Variants in RBMS3 observed in about 807,000 individuals in gnomAD.
RBMS3 encodes the protein RNA-binding motif, single-stranded-interacting protein 3.
In RBMS3, 27 loss-of-function variants were observed where a neutral mutation model predicts 66.8. The observed-to-expected ratio is 0.40, with a 90% CI of 0.30 to 0.56. The LOEUF (loss-of-function observed/expected upper bound fraction) is 0.56. Ranked by LOEUF, RBMS3 falls within the 20% of genes least tolerant of loss-of-function variation. The pLI is 0.40. For missense variants in RBMS3, 513 were observed against 549.5 expected, an observed-to-expected ratio of 0.93 and a Z score of 0.66; for synonymous variants, 188 against 183.0, an observed-to-expected ratio of 1.03 and a Z score of -0.22.
chr3:29,639,913 A>G (rs2049630522), intron 4 of RBMS3, among the ~76,000 whole-genome samples: 1 of 151,914 alleles, frequency 6.6e-6, no homozygotes, highest in South Asian at 2.1e-4. Flanking sequence ...AGGTATTCAG[A>G]TGACGGGGAG....
intron 4 of RBMS3, among the ~76,000 whole-genome samples, chr3:29,606,647 A>G (rs1166835772): frequency 6.6e-6 from 1 of 151,940 alleles, no homozygotes; most frequent in Non-Finnish European, 1.5e-5. Flanking sequence ...GCAATATAAA[A>G]TCACAACCAG....
intron 4 of RBMS3, among the ~76,000 whole-genome samples, chr3:29,593,253 AG>A (rs1354140391): frequency 1.3e-5 from 2 of 152,226 alleles, no homozygotes; most frequent in Admixed American, 1.3e-4. Flanking sequence ...TGTCTACCAA[AG>A]CTACTCTTCT....
At chr3:29,532,126 T>G (rs370471467) in intron 3 of RBMS3, among the ~76,000 whole-genome samples, 28 of 151,554 alleles carry the variant, frequency 1.8e-4, no homozygotes, top group African/African-American at 6.3e-4. Flanking sequence ...ATAGTCACTT[T>G]GATGTACTGT....
intron 3 of RBMS3, among the ~76,000 whole-genome samples, chr3:29,558,763 A>T (rs1019112399): frequency 6.6e-6 from 1 of 152,162 alleles, no homozygotes; most frequent in African/African-American, 2.4e-5. Flanking sequence ...GCTGGGCTCT[A>T]CCCTGCAGTT....
intron 2 of RBMS3, among the ~76,000 whole-genome samples, chr3:29,471,076 A>G (rs1425591521): frequency 6.6e-6 from 1 of 152,226 alleles, no homozygotes; most frequent in East Asian, 1.9e-4. Context: ...TGTTAACGCC[A>G]GATACAAAAT....
chr3:29,499,329 G>A (rs1488060414), intron 3 of RBMS3, among the ~76,000 whole-genome samples: 1 of 151,742 alleles, frequency 6.6e-6, no homozygotes, highest in Non-Finnish European at 1.5e-5. Flanking sequence ...CTTCCCTTTA[G>A]TAAAGAAAAG....
chr3:29,314,030 G>T (rs2034534300), intron 1 of RBMS3, among the ~76,000 whole-genome samples: 1 of 151,562 alleles, frequency 6.6e-6, no homozygotes, highest in Non-Finnish European at 1.5e-5. Context: ...TTTCTTTCTT[G>T]GCTTTGTCTA....
chr3:29,789,736 A>G (rs1001525491), intron 6 of RBMS3, among the ~76,000 whole-genome samples: 19 of 152,004 alleles, frequency 1.2e-4, no homozygotes, highest in African/African-American at 4.1e-4. Flanking sequence ...AATAACTTTA[A>G]AATTTATATT....
intron 1 of RBMS3, among the ~76,000 whole-genome samples, chr3:29,369,086 T>C (rs1250207893): frequency 5.3e-5 from 8 of 152,076 alleles, no homozygotes; most frequent in Non-Finnish European, 8.8e-5. Context: ...CCATATGTTC[T>C]CACTTATAAC....
At chr3:29,308,767 A>AT (rs2034185403) in intron 1 of RBMS3, among the ~76,000 whole-genome samples, 1 of 127,134 alleles carries the variant, frequency 7.9e-6, no homozygotes, top group Non-Finnish European at 1.7e-5. Flanking sequence ...AAAAAAAAAA[A>AT]CGGGAAAGTA....
At position 29,773,655 on chromosome 3, in the gene RBMS3, A is replaced by G. The variant is rs868737878; in HGVS notation, c.637+10666A>G. Among the ~76,000 whole-genome samples, 4 of 152,218 alleles carry G rather than the reference A, an allele frequency of 2.6e-5. 1 individual carries two copies. In the South Asian group the frequency reaches 8.3e-4, roughly 32 times the overall value. ...TGTTTGCCCGTGGCCATCAACCAGC[A>G]CCTGCATCTCTTTCATTAGGTAGAC... On this transcript the variant is annotated intron_variant, in intron 6 of 14. Coordinates refer to ENST00000383767, the MANE Select transcript of RBMS3 (RefSeq NM_001003793.3).
At chr3:29,947,541 T>G (rs1695402537) in intron 12 of RBMS3, among the ~76,000 whole-genome samples, 1 of 151,538 alleles carries the variant, frequency 6.6e-6, no homozygotes, top group African/African-American at 2.4e-5. Flanking sequence ...AGTCACCTCT[T>G]GTTGCCTACA....
chr3:29,697,325 GCTT>G (rs1359772328), intron 4 of RBMS3, among the ~76,000 whole-genome samples: 3 of 152,130 alleles, frequency 2.0e-5, no homozygotes, highest in Non-Finnish European at 1.5e-5. Flanking sequence ...TTGCACACTT[GCTT>G]CTTAATGAGC....
intron 6 of RBMS3, among the ~76,000 whole-genome samples, chr3:29,809,269 G>T (rs1439821456): frequency 6.6e-6 from 1 of 150,766 alleles, no homozygotes; most frequent in Non-Finnish European, 1.5e-5. Context: ...ATTATAATAA[G>T]GACTACAACT....
At chr3:29,937,359 G>T (rs1023686991) in intron 11 of RBMS3, among the ~76,000 whole-genome samples, 1 of 151,910 alleles carries the variant, frequency 6.6e-6, no homozygotes. Context: ...TGTACAATAT[G>T]CACACTAGTT....
intron 6 of RBMS3, among the ~76,000 whole-genome samples, chr3:29,844,014 G>T (rs898386393): frequency 6.6e-6 from 1 of 151,810 alleles, no homozygotes; most frequent in Non-Finnish European, 1.5e-5. Flanking sequence ...TACATCTGGG[G>T]GATAAGAAAA....
At chr3:29,666,782 G>T (rs984218031) in intron 4 of RBMS3, among the ~76,000 whole-genome samples, 1 of 151,964 alleles carries the variant, frequency 6.6e-6, no homozygotes, top group African/African-American at 2.4e-5. Context: ...AAAATAACTG[G>T]TTACTTTGTA....
At chr3:29,395,500 A>G (rs1008411486) in intron 1 of RBMS3, among the ~76,000 whole-genome samples, 5 of 152,216 alleles carry the variant, frequency 3.3e-5, no homozygotes, top group African/African-American at 9.7e-5. Flanking sequence ...GTGTATGCCA[A>G]AATGCTCTTA....
At chr3:29,628,403 C>G (rs1385321766) in intron 4 of RBMS3, among the ~76,000 whole-genome samples, 1 of 152,110 alleles carries the variant, frequency 6.6e-6, no homozygotes, top group Non-Finnish European at 1.5e-5. Flanking sequence ...TTCCACCTAC[C>G]TCTCAGAATG....
Sources: gnomAD v4.1 joint callset for allele counts (sites outside exome capture counted in the v4.1 genomes callset) on GRCh38, gnomAD v4.1.1 for gene constraint, MANE v1.5 for transcripts, NCBI Gene and HGNC (gene_info 2026-07-23, HGNC 2026-07-21) for gene names.